The following CBFA2T2 variants were observed in gnomAD, a reference collection of about 807,000 sequenced individuals.
CBFA2T2 encodes CBFA2/RUNX1 partner transcriptional co-repressor 2.
Under a neutral mutation model 62.2 loss-of-function variants are expected in CBFA2T2, and 11 were observed. The observed-to-expected ratio is 0.18, with a 90% CI of 0.11 to 0.29. The LOEUF (loss-of-function observed/expected upper bound fraction) is 0.29. Among genes scored for constraint, CBFA2T2 ranks in the 10% least tolerant of loss-of-function variants. CBFA2T2 has a pLI of 1.00. For synonymous variants in CBFA2T2, 295 were observed against 287.5 expected (o/e 1.03, Z -0.27); for missense variants, 592 against 774.1 (o/e 0.76, Z 2.79).
intron 1 of CBFA2T2, among the ~76,000 whole-genome samples, chr20:33,598,346 A>AG (rs1568843211): frequency 6.6e-6 from 1 of 152,036 alleles, no homozygotes; most frequent in East Asian, 1.9e-4. Context: ...AGGCGCACCT[A>AG]GGGGGGCCGT....
chr20:33,644,472 G>A lies in CBFA2T2; in HGVS notation c.1614G>A (p.Leu538=). The A allele has an allele frequency of 6.2e-7, 1 of 1,614,228 alleles. No homozygotes were observed. The highest frequency in any genetic ancestry group is 1.1e-5 in the South Asian group (1 of 91,090). ...ACCACCGCCTCTGTGGTCAGAACCT[G>A]CATGGCCAGAGCCCCCACGGCCAGG... ...ERHHRLCGQN[L]HGQSPHGQGR... is the part of the protein sequence containing the mutation. Residue 538 remains leucine (L), a synonymous_variant, in exon 11 of 11, where the codon CTG becomes CTA. Coordinates refer to ENST00000342704, the MANE Select transcript of CBFA2T2 (RefSeq NM_001032999.3).
At chr20:33,593,269 T>C (rs1373247410) in intron 1 of CBFA2T2, among the ~76,000 whole-genome samples, 2 of 151,728 alleles carry the variant, frequency 1.3e-5, no homozygotes, top group Non-Finnish European at 2.9e-5. Context: ...GAGGCAAAGG[T>C]TGCAGTGAGC....
intron 3 of CBFA2T2, among the ~76,000 whole-genome samples, chr20:33,613,961 G>A (rs2015614725): frequency 6.6e-6 from 1 of 151,900 alleles, no homozygotes; most frequent in South Asian, 2.1e-4. Flanking sequence ...GCGGCGGGCG[G>A]ATCATGAGGT....
chr20:33,538,753 C>T (rs932263906), intron 1 of CBFA2T2, among the ~76,000 whole-genome samples: 1 of 151,998 alleles, frequency 6.6e-6, no homozygotes, highest in East Asian at 1.9e-4. Flanking sequence ...TACTTATTAT[C>T]AGTATTTTCT....
intron 1 of CBFA2T2, chr20:33,574,025 G>A (rs2013702413): frequency 3.4e-6 from 4 of 1,169,356 alleles, no homozygotes; most frequent in South Asian, 3.3e-5. Context: ...CTGGGCTAAA[G>A]CGATCTTCCC....
intron 1 of CBFA2T2, among the ~76,000 whole-genome samples, chr20:33,523,504 T>C (rs1422656517): frequency 6.6e-6 from 1 of 152,116 alleles, no homozygotes; most frequent in East Asian, 1.9e-4. Context: ...TTTAAAAAAA[T>C]GGGGTTCTTA....
chr20:33,552,543 C>T (rs1426271296), intron 1 of CBFA2T2, among the ~76,000 whole-genome samples: 1 of 152,180 alleles, frequency 6.6e-6, no homozygotes, highest in African/African-American at 2.4e-5. Flanking sequence ...ATCAGTTGTA[C>T]ATTTCAAATT....
chr20:33,626,165 AAG>A (rs2016219981), intron 6 of CBFA2T2, among the ~76,000 whole-genome samples: 1 of 152,202 alleles, frequency 6.6e-6, no homozygotes, highest in Admixed American at 6.5e-5. Context: ...GCTTGAGCCC[AAG>A]AGGTCAAGAC....
At chr20:33,494,367 C>T (rs1401071156) in intron 1 of CBFA2T2, among the ~76,000 whole-genome samples, 1 of 137,912 alleles carries the variant, frequency 7.3e-6, no homozygotes, top group Non-Finnish European at 1.5e-5. Flanking sequence ...CTGCAAGCTC[C>T]ACCTCCTGGG....
intron 1 of CBFA2T2, among the ~76,000 whole-genome samples, chr20:33,560,527 CAA>C (rs1737770397): frequency 6.6e-6 from 1 of 152,186 alleles, no homozygotes; most frequent in Admixed American, 6.5e-5. Flanking sequence ...GTACACATGA[CAA>C]ACACTGAACC....
At chr20:33,568,787 A>C (rs2013440094) in intron 1 of CBFA2T2, among the ~76,000 whole-genome samples, 1 of 152,166 alleles carries the variant, frequency 6.6e-6, no homozygotes, top group Non-Finnish European at 1.5e-5. Context: ...GGGTCTATGC[A>C]AAGAAGTAGT....
At chr20:33,555,100 T>C (rs1248596423) in intron 1 of CBFA2T2, among the ~76,000 whole-genome samples, 5 of 152,278 alleles carry the variant, frequency 3.3e-5, no homozygotes, top group Middle Eastern at 3.4e-3. Context: ...AATTACTTGA[T>C]TGGCTGTAGC....
At chr20:33,550,448 G>C (rs1296803528) in intron 1 of CBFA2T2, among the ~76,000 whole-genome samples, 1 of 152,034 alleles carries the variant, frequency 6.6e-6, no homozygotes, top group Non-Finnish European at 1.5e-5. Flanking sequence ...TTTGTGGTTT[G>C]ATCCTGTTAA....
intron 1 of CBFA2T2, among the ~76,000 whole-genome samples, chr20:33,588,898 C>T (rs763703987): frequency 2.6e-5 from 4 of 151,972 alleles, no homozygotes; most frequent in Middle Eastern, 6.8e-3. Context: ...GCCATGATCG[C>T]GCCACTGCAC....
intron 1 of CBFA2T2, among the ~76,000 whole-genome samples, chr20:33,580,902 G>A (rs1306571377): frequency 6.6e-6 from 1 of 152,120 alleles, no homozygotes; most frequent in African/African-American, 2.4e-5. Context: ...TGGGTAGGAT[G>A]TATGTGCAGT....
At chr20:33,638,228 G>C (rs2016699936) in intron 9 of CBFA2T2, among the ~76,000 whole-genome samples, 1 of 152,028 alleles carries the variant, frequency 6.6e-6, no homozygotes, top group Non-Finnish European at 1.5e-5. Flanking sequence ...ACCCGCCTTG[G>C]CCTCCCAAAG....
chr20:33,530,001 G>A (rs1239383333), intron 1 of CBFA2T2, among the ~76,000 whole-genome samples: 1 of 151,866 alleles, frequency 6.6e-6, no homozygotes, highest in Non-Finnish European at 1.5e-5. Flanking sequence ...TGGCCAGGCT[G>A]GTCTCAAAGT....
At chr20:33,598,010 G>T (rs1393202527) in intron 1 of CBFA2T2, among the ~76,000 whole-genome samples, 1 of 152,118 alleles carries the variant, frequency 6.6e-6, no homozygotes, top group Non-Finnish European at 1.5e-5. Flanking sequence ...GCAAAAACCA[G>T]CAAGTTTTTA....
chr20:33,578,419 C>T (rs1004471827), intron 1 of CBFA2T2, among the ~76,000 whole-genome samples: 1 of 152,130 alleles, frequency 6.6e-6, no homozygotes, highest in Non-Finnish European at 1.5e-5. Flanking sequence ...TAGAAAGAAC[C>T]ATAATGAAGG....
Sources: gnomAD v4.1 joint callset for allele counts (sites outside exome capture counted in the v4.1 genomes callset) on GRCh38, gnomAD v4.1.1 for gene constraint, MANE v1.5 for transcripts, NCBI Gene and HGNC (gene_info 2026-07-23, HGNC 2026-07-21) for gene names.